The following GDI2 variants were observed in gnomAD, a reference collection of about 807,000 sequenced individuals.
GDI2 encodes the protein rab GDP dissociation inhibitor beta.
GDI2 carries 22 observed loss-of-function variants against 54.2 expected under a neutral mutation model. That is an observed-to-expected ratio of 0.41 (90% confidence interval 0.29 to 0.58). GDI2 has a LOEUF of 0.58. Ranked by LOEUF, GDI2 falls within the 20% of genes least tolerant of loss-of-function variation. GDI2 has a pLI of 0.35. For synonymous variants in GDI2, 177 were observed against 182.1 expected (o/e 0.97, Z 0.23); for missense variants, 422 against 546.0 (o/e 0.77, Z 2.26).
Position 5,805,186 on chromosome 10 carries a change from T to C in GDI2, c.46-4481A>G, listed in dbSNP as rs1361842672. ...TAACCCTGCAAGCAGGGCATCTCAG[T>C]GTGGTTCCTGACTTGGCATCACCTG... is the stretch of plus-strand genomic sequence containing the variant. On this transcript the variant is annotated intron_variant, in intron 1 of 10. Coordinates refer to ENST00000380191, the MANE Select transcript of GDI2 (RefSeq NM_001494.4). 4.0e-5 allele frequency among the ~76,000 whole-genome samples: 6 copies of C among 151,802 alleles called. No homozygotes were observed. In the East Asian group the frequency reaches 9.7e-4, roughly 24 times the overall value.
chr10:5,793,396 C>T (rs578143028), intron 4 of GDI2, among the ~76,000 whole-genome samples: 19 of 152,272 alleles, frequency 1.2e-4, no homozygotes, highest in African/African-American at 2.9e-4. Context: ...AAAATAATTT[C>T]GAACCCATGA....
chr10:5,794,991 T>C lies in GDI2; in HGVS notation c.282A>G (p.Thr94=), dbSNP rs906711832. Residue 94 remains threonine (T), a synonymous_variant, in exon 4 of 11, where the codon ACA becomes ACG. Transcript: ENST00000380191. Reference sequence around the variant, plus strand: ...TAAAATCCAGATAGCGAGTTACCTCTGTATAAAGCAGCATCTTAACCAGCT... The same window carrying C: ...TAAAATCCAGATAGCGAGTTACCTCCGTATAAAGCAGCATCTTAACCAGCT... The part of the protein sequence containing the change: ...NGQLVKMLLY[T]EVTRYLDFKV... The C allele has an allele frequency of 6.3e-7, 1 of 1,591,880 alleles. No individual in the cohort carries two copies. Among genetic ancestry groups the C allele is most frequent in the Non-Finnish European group, 8.6e-7 (1 of 1,159,794 alleles).
chr10:5,811,484 C>T (rs1243557074), intron 1 of GDI2, among the ~76,000 whole-genome samples: 1 of 152,252 alleles, frequency 6.6e-6, no homozygotes, highest in Non-Finnish European at 1.5e-5. Context: ...TGCACTCACT[C>T]GTGCATGCTT....
At chr10:5,773,092 C>T (rs1365489684) in intron 7 of GDI2, among the ~76,000 whole-genome samples, 1 of 152,176 alleles carries the variant, frequency 6.6e-6, no homozygotes, top group Non-Finnish European at 1.5e-5. Context: ...TCATTGTCCC[C>T]TTACACCACC....
In GDI2 at chr10:5,785,850, A is replaced by T; in HGVS notation, c.587+2T>A. On this transcript the variant is annotated splice_donor_variant, in intron 5 of 10. Transcript: ENST00000380191. LOFTEE classifies it high-confidence loss of function. ...TACAAATCTAAAAACCAAAATACTTACTCATCAGTTCTGTAAAGTGCAAGA... is the reference window on the plus strand; with the variant it reads ...TACAAATCTAAAAACCAAAATACTTTCTCATCAGTTCTGTAAAGTGCAAGA... The T allele has an allele frequency of 6.5e-7, 1 of 1,538,862 alleles. No individual in the cohort carries two copies. The highest frequency in any genetic ancestry group is 8.9e-7 in the Non-Finnish European group (1 of 1,121,484).
intron 7 of GDI2, among the ~76,000 whole-genome samples, chr10:5,771,428 C>CA (rs1840486046): frequency 6.6e-6 from 1 of 152,182 alleles, no homozygotes; most frequent in African/African-American, 2.4e-5. Flanking sequence ...CGAAATTATG[C>CA]ACAGACCCTT....
intron 2 of GDI2, among the ~76,000 whole-genome samples, chr10:5,798,155 C>G (rs1463574962): frequency 1.3e-5 from 2 of 152,092 alleles, no homozygotes; most frequent in African/African-American, 4.8e-5. Context: ...TAAGAATACT[C>G]AAATTAATTT....
At chr10:5,791,268 C>G (rs1408113111) in intron 4 of GDI2, among the ~76,000 whole-genome samples, 1 of 152,046 alleles carries the variant, frequency 6.6e-6, no homozygotes, top group Non-Finnish European at 1.5e-5. Flanking sequence ...GCACTCCAGC[C>G]AGAGCAAGAG....
At chr10:5,778,869 T>TA (rs138378243) in intron 6 of GDI2, among the ~76,000 whole-genome samples, 14,154 of 152,018 alleles carry the variant, frequency 0.093, 787 homozygotes, top group East Asian at 0.15. Flanking sequence ...GAACAGTCAA[T>TA]AAAAAAATGT....
chr10:5,806,027 A>G (rs528038938), intron 1 of GDI2, among the ~76,000 whole-genome samples: 1 of 152,298 alleles, frequency 6.6e-6, no homozygotes, highest in African/African-American at 2.4e-5. Context: ...ACATTCTCGC[A>G]TGTGTCTTCT....
Position 5,813,380 on chromosome 10 carries a change from T to G in GDI2, c.-122A>C. 1.7e-6 allele frequency: 1 copy of G among 589,948 alleles called. No homozygotes were observed. Among genetic ancestry groups the G allele is most frequent in the Non-Finnish European group, 2.8e-6 (1 of 352,742 alleles). 36.5% of individuals were successfully genotyped at this position (589,948 alleles called of 1,614,324 possible). A position where few individuals can be genotyped will look rare whatever the true frequency, so the allele number is the denominator to read the frequency against. On this transcript the variant is annotated 5_prime_UTR_variant, in exon 1 of 11. Transcript: ENST00000380191. Reference sequence around the variant, plus strand: ...AAAGGGGAAGAGAAAGAGAGGAAAATGGAGCTGGCGACAAGGCGAGACCGA... The same window carrying G: ...AAAGGGGAAGAGAAAGAGAGGAAAAGGGAGCTGGCGACAAGGCGAGACCGA...
chr10:5,774,563 C>T lies in GDI2; in HGVS notation c.720-622G>A, dbSNP rs1171955842. On this transcript the variant is annotated intron_variant, in intron 6 of 10. Transcript: ENST00000380191. This position sits in a 1 kb window ranked among gnomAD's most constrained non-coding sequence, Gnocchi z 4.8. ...TTGCTAACCAATCACCGGAACAGTT[C>T]CTCTCGGCCGCAGCGGCTCTGCATC... 6.6e-6 allele frequency among the ~76,000 whole-genome samples: 1 copy of T among 152,160 alleles called. No homozygotes were observed. The highest frequency in any genetic ancestry group is 1.5e-5 in the Non-Finnish European group (1 of 68,030).
At chr10:5,779,157 G>A (rs1240782655) in intron 6 of GDI2, among the ~76,000 whole-genome samples, 1 of 152,130 alleles carries the variant, frequency 6.6e-6, no homozygotes, top group Non-Finnish European at 1.5e-5. Flanking sequence ...ACATATTCAA[G>A]GATAAATATG....
chr10:5,806,899 T>C (rs1415987055), intron 1 of GDI2, among the ~76,000 whole-genome samples: 7 of 152,166 alleles, frequency 4.6e-5, no homozygotes, highest in Admixed American at 3.9e-4. Flanking sequence ...AGCTTCTATA[T>C]ATAACCTTTC....
At chr10:5,778,796 A>C (rs1019775229) in intron 6 of GDI2, among the ~76,000 whole-genome samples, 15 of 152,244 alleles carry the variant, frequency 9.9e-5, no homozygotes, top group Admixed American at 2.6e-4. Flanking sequence ...CAAACAACAA[A>C]AGGAAAAACT....
chr10:5,797,079 T>C (rs898482965), intron 2 of GDI2, among the ~76,000 whole-genome samples: 1 of 152,168 alleles, frequency 6.6e-6, no homozygotes, highest in Admixed American at 6.6e-5. Flanking sequence ...TTAACAAATA[T>C]GGCAGAAGTA....
In GDI2 at chr10:5,786,848, G is replaced by A. The variant is rs72772377; in HGVS notation, c.389-798C>T. Among the ~76,000 whole-genome samples, 6 of 152,142 alleles carry A rather than the reference G, an allele frequency of 3.9e-5. No individual in the cohort carries two copies. In the South Asian group the frequency reaches 1.0e-3, roughly 26 times the overall value. On this transcript the variant is annotated intron_variant, in intron 4 of 10. Transcript: ENST00000380191. Reference sequence around the variant, plus strand: ...AACAAATTGACCTCGATAAAATTTCGATGCTGCTGCTACTGCTGCTAGTCA... The same window carrying A: ...AACAAATTGACCTCGATAAAATTTCAATGCTGCTGCTACTGCTGCTAGTCA...
At chr10:5,812,927 CCGCTGG>C (rs1841507649) in intron 1 of GDI2, among the ~76,000 whole-genome samples, 1 of 152,234 alleles carries the variant, frequency 6.6e-6, no homozygotes, top group African/African-American at 2.4e-5. Flanking sequence ...CCCTCCGCTT[CCGCTGG>C]GGGCAAGCGC....
At chr10:5,812,412 T>G (rs932073779) in intron 1 of GDI2, among the ~76,000 whole-genome samples, 1 of 152,156 alleles carries the variant, frequency 6.6e-6, no homozygotes, top group African/African-American at 2.4e-5. Flanking sequence ...ACAGAGAACT[T>G]GGCTTTTAGC....
Sources: allele counts gnomAD v4.1 joint callset (sites outside exome capture counted in the v4.1 genomes callset), GRCh38; gene constraint gnomAD v4.1.1; non-coding constraint Gnocchi (gnomAD v3.1); transcripts MANE v1.5; gene names NCBI Gene and HGNC (gene_info 2026-07-23, HGNC 2026-07-21).